The following ANKHD1 variants were observed in gnomAD, a reference collection of about 807,000 sequenced individuals.
The protein encoded by ANKHD1 is ankyrin repeat and KH domain-containing protein 1.
A neutral mutation model predicts 230.5 loss-of-function variants in ANKHD1; 31 were observed. The ratio of observed to expected loss-of-function variants is 0.13; its 90% CI spans 0.10 to 0.18. The LOEUF (loss-of-function observed/expected upper bound fraction) is 0.18. Ranked by LOEUF, ANKHD1 falls within the 10% of genes least tolerant of loss-of-function variation. The pLI is 1.00. For missense variants in ANKHD1, 2,256 were observed against 3,071.3 expected (o/e 0.73, Z 6.27); for synonymous variants, 1,074 against 1,117.6 (o/e 0.96, Z 0.78).
At chr5:140,420,506 T>C (rs1473714622) in intron 1 of ANKHD1, among the ~76,000 whole-genome samples, 1 of 152,216 alleles carries the variant, frequency 6.6e-6, no homozygotes, top group Non-Finnish European at 1.5e-5. Context: ...TTAATTTTTA[T>C]ATATAAGGCG....
intron 3 of ANKHD1, 56 bp downstream of exon 3, chr5:140,438,673 A>G (rs1224995498): frequency 1.4e-6 from 2 of 1,474,952 alleles, no homozygotes; most frequent in East Asian, 2.4e-5. Context: ...ATTTTGGGGA[A>G]GTAGCCAATT....
intron 10 of ANKHD1, among the ~76,000 whole-genome samples, chr5:140,468,159 TCTC>T (rs1776245013): frequency 7.2e-6 from 1 of 138,370 alleles, no homozygotes; most frequent in African/African-American, 2.7e-5. Context: ...ACTGCAACCT[TCTC>T]CTCCTGGGTT....
At chr5:140,524,317 A>G (rs542846588) in intron 25 of ANKHD1, 77 bp downstream of exon 25, 1 of 1,431,496 alleles carries the variant, frequency 7.0e-7, no homozygotes, top group African/African-American at 1.5e-5. Context: ...TCTTTGCTCT[A>G]GTTAACTCTA....
At chr5:140,427,365 C>CA (rs1581229580) in intron 1 of ANKHD1, among the ~76,000 whole-genome samples, 3 of 101,962 alleles carry the variant, frequency 2.9e-5, no homozygotes, top group Admixed American at 9.3e-5. Flanking sequence ...GCTGGCCAGG[C>CA]GGGGGGCTGA....
intron 22 of ANKHD1, among the ~76,000 whole-genome samples, chr5:140,510,837 G>A (rs1752735032): frequency 6.6e-6 from 1 of 151,718 alleles, no homozygotes; most frequent in South Asian, 2.1e-4. Flanking sequence ...GTGTGTGTGT[G>A]AGTATGAAAC....
intron 4 of ANKHD1, 90 bp downstream of exon 4, chr5:140,440,356 G>C (rs1773759004): frequency 6.9e-7 from 1 of 1,456,152 alleles, no homozygotes. Context: ...ATTATAATTA[G>C]AGGCCAGAGT....
Position 140,505,874 on chromosome 5 carries a change from G to T in ANKHD1, c.3408+5G>T. The T allele has an allele frequency of 6.4e-7, 1 of 1,559,300 alleles. No homozygotes were observed. ...TGTTCTGGTGGACGTCAGGAGGTGT[G>T]TTAATGTTAATTTTCATTTTGTAAA... On this transcript the variant is annotated splice_donor_5th_base_variant and intron_variant, in intron 18 of 33. Transcript: ENST00000360839.
chr5:140,505,940 T>G, intron 18 of ANKHD1, 71 bp downstream of exon 18: 1 of 1,510,810 alleles, frequency 6.6e-7, no homozygotes, highest in Non-Finnish European at 8.8e-7. Flanking sequence ...GATTCGTATT[T>G]TAGCTACATG....
At chr5:140,535,566 AAG>A (rs773214424) in intron 30 of ANKHD1, 28 bp downstream of exon 30, 6 of 1,555,112 alleles carry the variant, frequency 3.9e-6, no homozygotes, top group Non-Finnish European at 5.2e-6. Flanking sequence ...ACTCTTCCCA[AAG>A]AGTTTTGAAT....
intron 29 of ANKHD1, among the ~76,000 whole-genome samples, chr5:140,535,137 C>T (rs2127099201): frequency 6.6e-6 from 1 of 152,198 alleles, no homozygotes; most frequent in East Asian, 1.9e-4. Context: ...GTATCTAGTG[C>T]TGTTTGGCGA....
Position 140,406,815 on chromosome 5 carries a change from C to T in ANKHD1, c.306+4542C>T, listed in dbSNP as rs377371498. 2.0e-4 allele frequency among the ~76,000 whole-genome samples: 31 copies of T among 152,020 alleles called. No individual in the cohort carries two copies. The East Asian group carries it at 2.1e-3, about 10-fold the overall frequency. On this transcript the variant is annotated intron_variant, in intron 1 of 33. Coordinates refer to ENST00000360839, the MANE Select transcript of ANKHD1 (RefSeq NM_017747.3). ...TCTCCCAAAGTGCTGGGATTACAGC[C>T]GTGAGTCACCCACCTGGCCCTTTTG...
chr5:140,498,484 G>T (rs1052058906), intron 15 of ANKHD1, among the ~76,000 whole-genome samples: 6 of 152,168 alleles, frequency 3.9e-5, no homozygotes, highest in African/African-American at 1.4e-4. Flanking sequence ...TGCAGAGGAG[G>T]AATGTCTTAG....
intron 15 of ANKHD1, among the ~76,000 whole-genome samples, chr5:140,504,299 G>A (rs1211091717): frequency 1.3e-5 from 2 of 152,092 alleles, no homozygotes; most frequent in African/African-American, 2.4e-5. Flanking sequence ...TGATTCACCC[G>A]CCTCGGCCTC....
Position 140,538,209 on chromosome 5 carries a change from C to G in ANKHD1, c.7352C>G (p.Pro2451Arg). ...MERDDSGMVAPSNIFHQPMAS... is the reference protein window; with the variant it reads ...MERDDSGMVARSNIFHQPMAS... ...AGAGATGATTCTGGAATGGTAGCCC[C>G]CTCTAACATTTTTCATCAGCCTATG... The change falls in exon 32 of 34, where the codon CCC becomes CGC. Residue 2451 changes from proline (P) to arginine (R), a missense_variant. By Grantham distance (103) the Pro-to-Arg change is moderately radical. Coordinates refer to ENST00000360839, the MANE Select transcript of ANKHD1 (RefSeq NM_017747.3). 6.2e-7 allele frequency: 1 copy of G among 1,614,076 alleles called. No individual in the cohort carries two copies. Among genetic ancestry groups the G allele is most frequent in the Non-Finnish European group, 8.5e-7 (1 of 1,179,978 alleles).
chr5:140,460,982 C>G (rs1339864296), intron 9 of ANKHD1, among the ~76,000 whole-genome samples: 1 of 152,156 alleles, frequency 6.6e-6, no homozygotes, highest in Non-Finnish European at 1.5e-5. Context: ...ATTCAAGAGT[C>G]TTTCTCTGCT....
Position 140,473,216 on chromosome 5 carries a change from G to A in ANKHD1, c.1782+8440G>A, listed in dbSNP as rs187814181. ...CCTAATTTTTTGCATCTTTAGTAGAGACGGGGTTTCACCATGTTGGCTGGG... is the reference window on the plus strand; with the variant it reads ...CCTAATTTTTTGCATCTTTAGTAGAAACGGGGTTTCACCATGTTGGCTGGG... On this transcript the variant is annotated intron_variant, in intron 10 of 33. Coordinates refer to ENST00000360839, the MANE Select transcript of ANKHD1 (RefSeq NM_017747.3). Among the ~76,000 whole-genome samples the A allele has an allele frequency of 4.4e-3, 673 of 151,838 alleles. 5 individuals carry two copies. The highest frequency in any genetic ancestry group is 0.015 in the African/African-American group (613 of 41,426).
intron 10 of ANKHD1, among the ~76,000 whole-genome samples, chr5:140,482,094 C>T (rs1327613390): frequency 6.6e-6 from 1 of 151,906 alleles, no homozygotes; most frequent in Admixed American, 6.6e-5. Flanking sequence ...AAAAACTACC[C>T]ATTGGTATAT....
intron 10 of ANKHD1, among the ~76,000 whole-genome samples, chr5:140,473,804 C>T (rs577765224): frequency 6.6e-6 from 1 of 152,150 alleles, no homozygotes; most frequent in South Asian, 2.1e-4. Context: ...ATTGTTTTTC[C>T]CTGGATTTGT....
chr5:140,438,751 T>C (rs1773635371), intron 3 of ANKHD1, 134 bp downstream of exon 3: 1 of 1,159,420 alleles, frequency 8.6e-7, no homozygotes, highest in Admixed American at 3.2e-5. Context: ...TTTAAGTGGA[T>C]ATATAAATGT....
Sources: allele counts gnomAD v4.1 joint callset (sites outside exome capture counted in the v4.1 genomes callset), GRCh38; gene constraint gnomAD v4.1.1; transcripts MANE v1.5; gene names NCBI Gene and HGNC (gene_info 2026-07-23, HGNC 2026-07-21).